Variants in UNC5C observed in about 807,000 individuals in gnomAD.
UNC5C encodes the protein netrin receptor UNC5C.
A neutral mutation model predicts 99.8 loss-of-function variants in UNC5C; 47 were observed. The observed-to-expected ratio is 0.47, with a 90% CI of 0.37 to 0.60. The LOEUF is 0.60. Ranked by LOEUF, UNC5C falls within the 20% of genes least tolerant of loss-of-function variation. The probability of loss-of-function intolerance (pLI) is 0.00; values close to 1 mark genes in which losing one functional copy is unlikely to be tolerated. For synonymous variants in UNC5C, 487 were observed against 452.2 expected (o/e 1.08, Z -0.98); for missense variants, 1,062 against 1,165.9 (o/e 0.91, Z 1.30).
At chr4:95,407,980 G>A (rs1167071249) in intron 1 of UNC5C, among the ~76,000 whole-genome samples, 1 of 152,186 alleles carries the variant, frequency 6.6e-6, no homozygotes, top group Non-Finnish European at 1.5e-5. Flanking sequence ...TCAAAAGTAA[G>A]TGGGTTGCTC....
chr4:95,183,110 A>C (rs755153173), intron 13 of UNC5C, 49 bp from the exon 14 acceptor site: 22 of 1,557,404 alleles, frequency 1.4e-5, no homozygotes, highest in Admixed American at 1.4e-4. Context: ...AATACCAAAA[A>C]TAACTCTCAG....
chr4:95,414,134 G>T (rs1248175455), intron 1 of UNC5C, among the ~76,000 whole-genome samples: 1 of 152,156 alleles, frequency 6.6e-6, no homozygotes, highest in Non-Finnish European at 1.5e-5. Context: ...TGAAATTAAG[G>T]AGAGGTTCTT....
In UNC5C at chr4:95,355,610, CA is replaced by C. The variant is rs1254370478; in HGVS notation, c.125-19980del. 4.6e-5 allele frequency among the ~76,000 whole-genome samples: 7 copies of C among 152,008 alleles called. No homozygotes were observed. In the East Asian group the frequency reaches 1.4e-3, roughly 30 times the overall value. ...TATTACATTGTTCTTTTCTGCGCCC[CA>C]CCCCCCCAGCATGAAACAGAGTTTA... On this transcript the variant is annotated intron_variant, in intron 1 of 15. Coordinates refer to ENST00000453304, the MANE Select transcript of UNC5C (RefSeq NM_003728.4).
At chr4:95,277,242 A>G (rs925743960) in intron 4 of UNC5C, among the ~76,000 whole-genome samples, 5 of 152,236 alleles carry the variant, frequency 3.3e-5, no homozygotes, top group African/African-American at 9.6e-5. Context: ...ATAGGTCCCA[A>G]TTGCAACAAC....
chr4:95,483,693 T>TA (rs1347164606), intron 1 of UNC5C, among the ~76,000 whole-genome samples: 2 of 151,874 alleles, frequency 1.3e-5, no homozygotes, highest in Non-Finnish European at 2.9e-5. Flanking sequence ...CTCTCCTTGA[T>TA]AACATCTCTT....
rs137937099 is a variant in UNC5C, at chr4:95,245,161, A to G, written c.776-17T>C. 4.4e-6 allele frequency: 7 copies of G among 1,606,922 alleles called. No individual in the cohort carries two copies. In the Admixed American group the frequency reaches 5.2e-5, roughly 12 times the overall value. ...CACCGTTGACTGAAAGGAGGCAAACAGTAAAAAGTGGATTAAACATGTGTG... is the reference window on the plus strand; with the variant it reads ...CACCGTTGACTGAAAGGAGGCAAACGGTAAAAAGTGGATTAAACATGTGTG... On this transcript the variant is annotated splice_polypyrimidine_tract_variant and intron_variant, in intron 5 of 15. Transcript: ENST00000453304.
chr4:95,210,400 G>T (rs982526554), intron 10 of UNC5C, among the ~76,000 whole-genome samples: 2 of 152,128 alleles, frequency 1.3e-5, no homozygotes, highest in South Asian at 2.1e-4. Flanking sequence ...AAGGAGTTAC[G>T]CAGGATAAGA....
At chr4:95,176,943 G>GGTCTGCCGTT (rs1736380765) in intron 14 of UNC5C, among the ~76,000 whole-genome samples, 1 of 151,618 alleles carries the variant, frequency 6.6e-6, no homozygotes, top group Non-Finnish European at 1.5e-5. Context: ...ATAATCTCCT[G>GGTCTGCCGTT]GTGTGCCGTT....
At chr4:95,437,558 T>C (rs746487583) in intron 1 of UNC5C, among the ~76,000 whole-genome samples, 4 of 152,062 alleles carry the variant, frequency 2.6e-5, no homozygotes, top group Non-Finnish European at 5.9e-5. Context: ...AGCCCTTCTT[T>C]CATGCATATA....
chr4:95,297,247 A>G (rs936479662), intron 3 of UNC5C, among the ~76,000 whole-genome samples: 2 of 152,014 alleles, frequency 1.3e-5, no homozygotes, highest in Non-Finnish European at 2.9e-5. Context: ...ATATCCTAGT[A>G]CCCTTAGCAT....
At chr4:95,493,500 T>C (rs1448303536) in intron 1 of UNC5C, among the ~76,000 whole-genome samples, 1 of 151,502 alleles carries the variant, frequency 6.6e-6, no homozygotes, top group Non-Finnish European at 1.5e-5. Context: ...ATACACTTTT[T>C]AGTCAGTGGA....
intron 1 of UNC5C, among the ~76,000 whole-genome samples, chr4:95,415,639 TTG>T (rs1392735874): frequency 2.6e-5 from 4 of 152,192 alleles, no homozygotes; most frequent in African/African-American, 9.6e-5. Context: ...TGACTCATTT[TTG>T]TAAAGTTTGA....
chr4:95,356,213 C>CAAAAAAAAA (rs869165569), intron 1 of UNC5C, among the ~76,000 whole-genome samples: 1 of 78,154 alleles, frequency 1.3e-5, no homozygotes, highest in Non-Finnish European at 2.5e-5. Context: ...AAAAAAAAAA[C>CAAAAAAAAA]AAAACAAAAA....
intron 4 of UNC5C, among the ~76,000 whole-genome samples, chr4:95,262,337 C>T (rs1208276849): frequency 1.3e-5 from 2 of 152,138 alleles, no homozygotes; most frequent in Non-Finnish European, 2.9e-5. Flanking sequence ...ACTTGGAAGA[C>T]GTGCAGAGTT....
At chr4:95,407,498 G>A (rs1474148451) in intron 1 of UNC5C, among the ~76,000 whole-genome samples, 1 of 152,050 alleles carries the variant, frequency 6.6e-6, no homozygotes, top group Non-Finnish European at 1.5e-5. Context: ...CTGAGACAAA[G>A]GGCAGGGGTC....
At chr4:95,323,452 AAGAT>A (rs1451391846) in intron 2 of UNC5C, among the ~76,000 whole-genome samples, 1 of 152,246 alleles carries the variant, frequency 6.6e-6, no homozygotes, top group African/African-American at 2.4e-5. Flanking sequence ...CCACAAAGTC[AAGAT>A]AATAAAAAAT....
chr4:95,357,843 T>C lies in UNC5C; in HGVS notation c.125-22212A>G, dbSNP rs568277313. ...ACCACAAAAAACACTAATAGTAACA[T>C]ATGTTAGTAGCTAAAATTTTACAGT... is the stretch of plus-strand genomic sequence containing the variant. On this transcript the variant is annotated intron_variant, in intron 1 of 15. Transcript: ENST00000453304. Among the ~76,000 whole-genome samples, 6 of 152,034 alleles carry C rather than the reference T, an allele frequency of 3.9e-5. No homozygotes were observed. In the East Asian group the frequency reaches 1.2e-3, roughly 29 times the overall value.
chr4:95,467,564 G>A (rs1747824386), intron 1 of UNC5C, among the ~76,000 whole-genome samples: 2 of 152,248 alleles, frequency 1.3e-5, no homozygotes, highest in South Asian at 4.1e-4. Flanking sequence ...CCAAAGATAA[G>A]AAATAAGAGC....
rs967438089 is a variant in UNC5C, at chr4:95,374,759, G to T, written c.125-39128C>A. ...GGCCATCTAACCCAGTCTAAGTGAG[G>T]CATGGTCTGGTGCAGTCAGACTCCT... On this transcript the variant is annotated intron_variant, in intron 1 of 15. Coordinates refer to ENST00000453304, the MANE Select transcript of UNC5C (RefSeq NM_003728.4). Among the ~76,000 whole-genome samples the T allele has an allele frequency of 6.6e-5, 10 of 152,234 alleles. No homozygotes were observed. The East Asian group carries it at 1.9e-3, about 29-fold the overall frequency.
Sources: allele counts gnomAD v4.1 joint callset (sites outside exome capture counted in the v4.1 genomes callset), GRCh38; gene constraint gnomAD v4.1.1; transcripts MANE v1.5; gene names NCBI Gene and HGNC (gene_info 2026-07-23, HGNC 2026-07-21).